FAM135A: variants seen among roughly 807,000 people sequenced by gnomAD.
FAM135A encodes the protein family with sequence similarity 135 member A.
In FAM135A, 79 loss-of-function variants were observed where a neutral mutation model predicts 146.8. The observed-to-expected ratio is 0.54, with a 90% CI of 0.45 to 0.65. FAM135A has a LOEUF of 0.65. FAM135A is among the 30% of genes least tolerant of loss of function. FAM135A has a pLI of 0.00. For synonymous variants in FAM135A, 562 were observed against 603.6 expected (o/e 0.93, Z 1.01); for missense variants, 1,623 against 1,758.2 (o/e 0.92, Z 1.38).
intron 10 of FAM135A, among the ~76,000 whole-genome samples, chr6:70,487,083 C>CA (rs34560435): frequency 0.11 from 4,242 of 40,268 alleles, 340 homozygotes; most frequent in East Asian, 0.22. Context: ...ACTCCCATCT[C>CA]AAAAAAAAAA....
At position 70,475,722 on chromosome 6, in the gene FAM135A, T is replaced by C. The variant is rs903340447; in HGVS notation, c.357T>C (p.Asp119=). ...FLLSLDLHFT[D]GDYSADDLNA... ...TATCCTTGGATCTACACTTCACAGA[T>C]GGAGATTATTCGTAAGTAGCTAATC... Residue 119 remains aspartate, a synonymous_variant, in exon 7 of 22, where the codon GAT becomes GAC. Transcript: ENST00000418814. The C allele has an allele frequency of 1.9e-6, 3 of 1,608,290 alleles. No individual in the cohort carries two copies. The highest frequency in any genetic ancestry group is 2.7e-5 in the African/African-American group (2 of 74,658).
At chr6:70,419,186 C>T (rs532073721) in intron 2 of FAM135A, among the ~76,000 whole-genome samples, 2 of 152,094 alleles carry the variant, frequency 1.3e-5, no homozygotes, top group South Asian at 2.1e-4. Flanking sequence ...TTTGGGAGGC[C>T]GAGGCAGGCA....
At chr6:70,440,930 A>G (rs1035192149) in intron 4 of FAM135A, among the ~76,000 whole-genome samples, 1 of 152,200 alleles carries the variant, frequency 6.6e-6, no homozygotes, top group Non-Finnish European at 1.5e-5. Flanking sequence ...CTATTTGGTT[A>G]TTCTGACATA....
rs2128528182 is a variant in FAM135A at position 70,561,100 on chromosome 6, A to G, written c.*1179A>G. The G allele has an allele frequency of 6.5e-6, 1 of 152,710 alleles. No individual in the cohort carries two copies. The highest frequency in any genetic ancestry group is 2.4e-5 in the African/African-American group (1 of 41,570). 9.5% of individuals were successfully genotyped at this position (152,710 alleles called of 1,614,324 possible). On this transcript the variant is annotated 3_prime_UTR_variant, in exon 22 of 22. Coordinates refer to ENST00000418814, the MANE Select transcript of FAM135A (RefSeq NM_001162529.3). ...TAAGTATTTATTGTACAATTGATGC[A>G]TGTTTATTTTTAGCGTTGTTATTGC...
At position 70,526,415 on chromosome 6, in the gene FAM135A, A is replaced by G. The variant is rs541602475; in HGVS notation, c.3331A>G (p.Thr1111Ala). The G allele has an allele frequency of 1.9e-6, 3 of 1,613,668 alleles. No homozygotes were observed. Among genetic ancestry groups the G allele is most frequent in the Admixed American group, 1.7e-5 (1 of 59,986 alleles). ...AACAGATTATTCAGCTTTGGATGGA[A>G]CAATAAATGCTCACTATACAAGCAG... Reference protein sequence around the residue: ...EETDYSALDGTINAHYTSRDE... With the variant: ...EETDYSALDGAINAHYTSRDE... Residue 1111 changes from threonine to alanine, a missense_variant, in exon 15 of 22, where the codon ACA becomes GCA. Thr to Ala is a moderately conservative substitution (Grantham distance 58, BLOSUM62 0). Transcript: ENST00000418814.
chr6:70,558,689 G>A (rs571351248), intron 21 of FAM135A, among the ~76,000 whole-genome samples: 13 of 152,188 alleles, frequency 8.5e-5, no homozygotes, highest in Admixed American at 3.3e-4. Flanking sequence ...GGTGGTGCAC[G>A]CCTGTGTGGT....
chr6:70,454,981 C>T (rs1033468661), intron 5 of FAM135A, among the ~76,000 whole-genome samples: 1 of 152,108 alleles, frequency 6.6e-6, no homozygotes, highest in Non-Finnish European at 1.5e-5. Flanking sequence ...TCATTGTTAG[C>T]TTGATGGGGA....
chr6:70,498,469 A>G (rs985393724), intron 11 of FAM135A, among the ~76,000 whole-genome samples: 2 of 151,348 alleles, frequency 1.3e-5, no homozygotes, highest in African/African-American at 4.9e-5. Flanking sequence ...TCGTGTCTCT[A>G]TCTCCTTCAG....
chr6:70,477,383 G>T, intron 8 of FAM135A, 51 bp downstream of exon 8: 1 of 1,562,660 alleles, frequency 6.4e-7, no homozygotes, highest in East Asian at 2.3e-5. Context: ...CTGCAATAAA[G>T]AAATACCTGA....
chr6:70,492,634 C>G (rs1361545954), intron 11 of FAM135A, among the ~76,000 whole-genome samples: 2 of 141,866 alleles, frequency 1.4e-5, no homozygotes, highest in Non-Finnish European at 3.0e-5. Flanking sequence ...TCTCATGTAT[C>G]AATTTTAAAA....
At position 70,447,364 on chromosome 6, in the gene FAM135A, A is replaced by T. The variant is rs370232528; in HGVS notation, c.78-5128A>T. On this transcript the variant is annotated intron_variant, in intron 4 of 21. Transcript: ENST00000418814. ...TCTGCTTTCCAGGGAACAGAAGTAG[A>T]TATAACAATTTGAATTTCCCCATTG... 3.9e-5 allele frequency among the ~76,000 whole-genome samples: 6 copies of T among 152,318 alleles called. No individual in the cohort carries two copies. In the East Asian group the frequency reaches 1.2e-3, roughly 29 times the overall value.
intron 16 of FAM135A, among the ~76,000 whole-genome samples, chr6:70,531,018 A>G (rs926522671): frequency 6.6e-6 from 1 of 152,172 alleles, no homozygotes; most frequent in East Asian, 1.9e-4. Flanking sequence ...AGAGGAACCA[A>G]ATCAGGACTG....
chr6:70,508,852 G>T (rs1332446375), intron 12 of FAM135A, among the ~76,000 whole-genome samples: 2 of 152,134 alleles, frequency 1.3e-5, no homozygotes, highest in Non-Finnish European at 2.9e-5. Context: ...CTATCAAATA[G>T]CATACTAAAG....
chr6:70,530,931 C>T (rs767245555), intron 16 of FAM135A, among the ~76,000 whole-genome samples: 5 of 152,112 alleles, frequency 3.3e-5, no homozygotes, highest in Non-Finnish European at 5.9e-5. Context: ...CATGTCAGTG[C>T]CTTCTTTTTT....
intron 2 of FAM135A, among the ~76,000 whole-genome samples, chr6:70,420,197 T>A (rs1221941035): frequency 6.6e-6 from 1 of 152,226 alleles, no homozygotes; most frequent in African/African-American, 2.4e-5. Context: ...TTCTTTACCC[T>A]CTAGCTTAGG....
intron 18 of FAM135A, among the ~76,000 whole-genome samples, chr6:70,534,842 C>T (rs1026228065): frequency 2.0e-5 from 3 of 151,918 alleles, no homozygotes; most frequent in Non-Finnish European, 4.4e-5. Flanking sequence ...GTTTCCAACT[C>T]GAAGTATAGG....
chr6:70,424,992 A>G (rs186817504), intron 2 of FAM135A, among the ~76,000 whole-genome samples: 1 of 151,856 alleles, frequency 6.6e-6, no homozygotes, highest in African/African-American at 2.4e-5. Flanking sequence ...TATATTAAGG[A>G]AAAGGCCAGC....
chr6:70,490,697 G>A (rs921367702), intron 10 of FAM135A, among the ~76,000 whole-genome samples: 2 of 151,940 alleles, frequency 1.3e-5, no homozygotes, highest in African/African-American at 4.8e-5. Context: ...ATACTAAACT[G>A]TACTGGAAAT....
intron 12 of FAM135A, among the ~76,000 whole-genome samples, chr6:70,518,582 G>A (rs955662515): frequency 6.6e-6 from 1 of 152,174 alleles, no homozygotes; most frequent in Non-Finnish European, 1.5e-5. Context: ...TGACTTTAAA[G>A]GGCAGGCTGA....
Sources: allele counts gnomAD v4.1 joint callset (sites outside exome capture counted in the v4.1 genomes callset), GRCh38; gene constraint gnomAD v4.1.1; transcripts MANE v1.5; gene names NCBI Gene and HGNC (gene_info 2026-07-23, HGNC 2026-07-21).